The following ADGRV1 variants were observed in gnomAD, a reference collection of about 807,000 sequenced individuals.
ADGRV1 encodes the protein G-protein coupled receptor 98.
ADGRV1 carries 359 observed loss-of-function variants against 596.2 expected under a neutral mutation model. The ratio of observed to expected loss-of-function variants is 0.60; its 90% CI spans 0.55 to 0.66. The LOEUF is 0.66. Among genes scored for constraint, ADGRV1 ranks in the 30% least tolerant of loss-of-function variants. The pLI is 0.00. For synonymous variants in ADGRV1, 2,681 were observed against 2,679.2 expected (o/e 1.00, Z -0.02); for missense variants, 7,274 against 7,575.6 (o/e 0.96, Z 1.48).
chr5:91,123,216 G>C (rs1793476945), intron 87 of ADGRV1, among the ~76,000 whole-genome samples: 1 of 151,356 alleles, frequency 6.6e-6, no homozygotes, highest in South Asian at 2.1e-4. Flanking sequence ...TAAAAGAGTG[G>C]CTATACGTAA....
intron 16 of ADGRV1, 92 bp downstream of exon 16, chr5:90,646,183 C>T (rs547733864): frequency 2.6e-5 from 20 of 778,478 alleles, no homozygotes; most frequent in Middle Eastern, 7.4e-4. Flanking sequence ...CATTTATATG[C>T]ACGTGCGTAT....
At chr5:91,063,158 C>G (rs572367748) in intron 85 of ADGRV1, among the ~76,000 whole-genome samples, 1 of 151,678 alleles carries the variant, frequency 6.6e-6, no homozygotes, top group African/African-American at 2.4e-5. Flanking sequence ...GGAGTTTCTC[C>G]ATGTTGCTCA....
chr5:90,783,412 C>T lies in ADGRV1; in HGVS notation c.13433+87C>T, dbSNP rs933141575. On this transcript the variant is annotated intron_variant, in intron 66 of 89. Transcript: ENST00000405460. ...CATATGTTTTGCACTGACAATAGAA[C>T]TTTAGATAATATGTGTCCATTGGAA... The T allele has an allele frequency of 9.8e-6, 9 of 918,376 alleles. No individual in the cohort carries two copies. In the African/African-American group the frequency reaches 1.5e-4, roughly 15 times the overall value. 56.9% of individuals were successfully genotyped at this position (918,376 alleles called of 1,614,324 possible).
At position 90,778,950 on chromosome 5, in the gene ADGRV1, G is replaced by A. The variant is rs771225820; in HGVS notation, c.12935G>A (p.Gly4312Asp). ...ACGATGAGCGGGACAGCGGAAGCAG[G>A]CTTGGATTTTGTTCCTGCAGCAGGG... ...YKTMSGTAEA[G>D]LDFVPAAGEL... The change falls in exon 64 of 90, where the codon GGC becomes GAC. Residue 4312 changes from glycine to aspartate, a missense_variant. Transcript: ENST00000405460. The A allele has an allele frequency of 5.1e-5, 83 of 1,613,424 alleles. No homozygotes were observed. The South Asian group carries it at 8.8e-4, about 17-fold the overall frequency.
chr5:90,655,311 G>A lies in ADGRV1; in HGVS notation c.4378+1359G>A, dbSNP rs185628220. 3.3e-5 allele frequency: 5 copies of A among 152,206 alleles called. No homozygotes were observed. The East Asian group carries it at 9.7e-4, about 29-fold the overall frequency. The allele number at this position is 152,206 out of a possible 1,614,324, so 9.4% of individuals were successfully genotyped here. On this transcript the variant is annotated intron_variant, in intron 20 of 89. Coordinates refer to ENST00000405460, the MANE Select transcript of ADGRV1 (RefSeq NM_032119.4). ...AACTGAACAGTATGTACACTTGAGT[G>A]TCCAGCTTCTTTTGCTCAGTATTGT...
chr5:90,630,345 A>G (rs1765345218), intron 9 of ADGRV1: 1 of 152,146 alleles, frequency 6.6e-6, no homozygotes, highest in Non-Finnish European at 1.5e-5. Flanking sequence ...TCAAAAATCA[A>G]TTTCTTTGTC....
intron 86 of ADGRV1, among the ~76,000 whole-genome samples, chr5:91,099,085 T>A (rs571175957): frequency 2.0e-5 from 3 of 152,338 alleles, no homozygotes; most frequent in Admixed American, 2.0e-4. Context: ...AAATAAATCT[T>A]AATGTATATT....
chr5:91,003,689 T>A (rs1437882059), intron 85 of ADGRV1, among the ~76,000 whole-genome samples: 2 of 152,200 alleles, frequency 1.3e-5, no homozygotes, highest in African/African-American at 4.8e-5. Flanking sequence ...AATTGGATAT[T>A]TCATGAACAG....
At chr5:90,631,029 G>A (rs1228481515) in intron 9 of ADGRV1, among the ~76,000 whole-genome samples, 3 of 152,132 alleles carry the variant, frequency 2.0e-5, no homozygotes, top group African/African-American at 4.8e-5. Flanking sequence ...AAGTATATAT[G>A]TAAGGTAAAC....
intron 85 of ADGRV1, among the ~76,000 whole-genome samples, chr5:90,997,407 T>G (rs1781509794): frequency 6.6e-6 from 1 of 152,174 alleles, no homozygotes; most frequent in Admixed American, 6.5e-5. Context: ...ATTGAAGACA[T>G]GCCTCCTTCC....
intron 47 of ADGRV1, 30 bp downstream of exon 47, chr5:90,725,262 A>T: frequency 8.4e-7 from 1 of 1,191,730 alleles, no homozygotes; most frequent in African/African-American, 1.6e-5. Context: ...TAAATAGATT[A>T]CTTTCTTTAA....
At chr5:90,570,792 A>C (rs1022275771) in intron 1 of ADGRV1, among the ~76,000 whole-genome samples, 3 of 151,744 alleles carry the variant, frequency 2.0e-5, no homozygotes, top group Admixed American at 6.6e-5. Flanking sequence ...TATCTTTTTG[A>C]TATCATTCAT....
At chr5:90,831,724 C>T (rs988493384) in intron 77 of ADGRV1, among the ~76,000 whole-genome samples, 16 of 152,060 alleles carry the variant, frequency 1.1e-4, no homozygotes, top group East Asian at 1.9e-4. Context: ...TCTGCCCCAC[C>T]GCCACCACCT....
At chr5:90,842,259 A>G (rs970412545) in intron 78 of ADGRV1, among the ~76,000 whole-genome samples, 3 of 152,232 alleles carry the variant, frequency 2.0e-5, no homozygotes, top group East Asian at 3.8e-4. Context: ...TACTAGTACT[A>G]TCGTGAATAA....
intron 86 of ADGRV1, among the ~76,000 whole-genome samples, chr5:91,077,098 G>A (rs1204147741): frequency 2.6e-5 from 4 of 152,074 alleles, no homozygotes; most frequent in Non-Finnish European, 5.9e-5. Context: ...GTAAATTCAC[G>A]TTTTGCCTTC....
chr5:90,620,769 T>G (rs574222062), intron 4 of ADGRV1, among the ~76,000 whole-genome samples: 10 of 152,204 alleles, frequency 6.6e-5, no homozygotes, highest in Non-Finnish European at 1.3e-4. Flanking sequence ...TGAATTAATT[T>G]TTGTATAAGG....
chr5:91,160,523 GA>G (rs1466094345), intron 89 of ADGRV1, among the ~76,000 whole-genome samples: 1 of 152,136 alleles, frequency 6.6e-6, no homozygotes, highest in African/African-American at 2.4e-5. Context: ...AAAATGTTAA[GA>G]AAAGATGAAG....
At chr5:90,632,639 T>C (rs1765644511) in intron 9 of ADGRV1, among the ~76,000 whole-genome samples, 1 of 152,210 alleles carries the variant, frequency 6.6e-6, no homozygotes, top group Admixed American at 6.5e-5. Context: ...TGCTTCAGCA[T>C]TCTATATAAA....
At chr5:90,907,318 A>G (rs1772419528) in intron 83 of ADGRV1, among the ~76,000 whole-genome samples, 2 of 152,188 alleles carry the variant, frequency 1.3e-5, no homozygotes, top group South Asian at 2.1e-4. Context: ...GAAGCAGTCT[A>G]TAATTAAATA....
Sources: gnomAD v4.1 joint callset for allele counts (sites outside exome capture counted in the v4.1 genomes callset) on GRCh38, gnomAD v4.1.1 for gene constraint, MANE v1.5 for transcripts, NCBI Gene and HGNC (gene_info 2026-07-23, HGNC 2026-07-21) for gene names.